Variants in ROCK1 observed in about 807,000 individuals in gnomAD.
ROCK1 encodes the protein Rho associated coiled-coil containing protein kinase 1.
A neutral mutation model predicts 196.8 loss-of-function variants in ROCK1; 36 were observed. The ratio of observed to expected loss-of-function variants is 0.18; its 90% CI spans 0.14 to 0.24. The LOEUF (loss-of-function observed/expected upper bound fraction) is 0.24, where lower values mean the gene tolerates loss of function less well. ROCK1 is among the 10% of genes least tolerant of loss of function. The probability of loss-of-function intolerance (pLI) is 1.00; values close to 1 mark genes in which losing one functional copy is unlikely to be tolerated. For synonymous variants in ROCK1, 443 were observed against 515.9 expected (o/e 0.86, Z 1.91); for missense variants, 920 against 1,562.0 (o/e 0.59, Z 6.93).
intron 1 of ROCK1, among the ~76,000 whole-genome samples, chr18:21,105,660 G>A (rs2036697115): frequency 1.3e-5 from 2 of 152,196 alleles, no homozygotes; most frequent in African/African-American, 2.4e-5. Flanking sequence ...AGGGACAATA[G>A]TGGAATTAAT....
intron 1 of ROCK1, among the ~76,000 whole-genome samples, chr18:21,084,232 C>T (rs1161250668): frequency 6.9e-6 from 1 of 145,462 alleles, no homozygotes; most frequent in Non-Finnish European, 1.5e-5. Flanking sequence ...ATCTCTTGTA[C>T]ATGAGACCAA....
At chr18:21,001,933 C>G (rs1568380382) in intron 16 of ROCK1, among the ~76,000 whole-genome samples, 1 of 151,898 alleles carries the variant, frequency 6.6e-6, no homozygotes, top group Non-Finnish European at 1.5e-5. Context: ...ACTTTTCACC[C>G]AAAAAGATGT....
chr18:21,064,364 T>G (rs1335120309), intron 2 of ROCK1, among the ~76,000 whole-genome samples: 1 of 151,374 alleles, frequency 6.6e-6, no homozygotes, highest in East Asian at 1.9e-4. Flanking sequence ...TTTGGAAGCC[T>G]TTCTTTACCC....
intron 9 of ROCK1, among the ~76,000 whole-genome samples, chr18:21,037,412 CA>C (rs1311564160): frequency 2.6e-5 from 4 of 151,552 alleles, no homozygotes; most frequent in African/African-American, 2.4e-5. Flanking sequence ...AATGGAAACC[CA>C]AAAAAATTAA....
intron 19 of ROCK1, among the ~76,000 whole-genome samples, chr18:20,986,096 G>A (rs2035575994): frequency 6.6e-6 from 1 of 152,024 alleles, no homozygotes; most frequent in East Asian, 1.9e-4. Flanking sequence ...TAAGCAATGT[G>A]CCCATCTGCC....
In ROCK1 at chr18:21,068,758, T is replaced by C. The variant is rs955692622; in HGVS notation, c.175+1774A>G. On this transcript the variant is annotated intron_variant, in intron 2 of 32. Transcript: ENST00000399799. ...TGCTGTATTTGTTATAATAAATTAATTCCCAATTGCTTGTTGTTAATAAAT... is the reference window on the plus strand; with the variant it reads ...TGCTGTATTTGTTATAATAAATTAACTCCCAATTGCTTGTTGTTAATAAAT... 1.4e-4 allele frequency among the ~76,000 whole-genome samples: 21 copies of C among 152,212 alleles called. 1 individual carries two copies. The highest frequency in any genetic ancestry group is 7.2e-4 in the Admixed American group (11 of 15,288).
chr18:21,037,496 C>A (rs1167308216), intron 9 of ROCK1, among the ~76,000 whole-genome samples: 3 of 151,872 alleles, frequency 2.0e-5, no homozygotes, highest in African/African-American at 7.3e-5. Context: ...TAAAAGAATT[C>A]TTGGTATTTT....
chr18:21,050,036 C>T (rs1568395095), intron 2 of ROCK1, among the ~76,000 whole-genome samples, 156 bp from the exon 3 acceptor site: 1 of 152,096 alleles, frequency 6.6e-6, no homozygotes, highest in Non-Finnish European at 1.5e-5. Context: ...TATAAAGTAG[C>T]TAAATGTTCA....
At chr18:21,106,410 C>T (rs1208516429) in intron 1 of ROCK1, among the ~76,000 whole-genome samples, 2 of 152,222 alleles carry the variant, frequency 1.3e-5, no homozygotes, top group Non-Finnish European at 2.9e-5. Context: ...TCAAGCAATT[C>T]TCTGGCCTCA....
chr18:20,956,096 G>A lies in ROCK1; in HGVS notation c.3513-851C>T, dbSNP rs146228211. On this transcript the variant is annotated intron_variant, in intron 29 of 32. Transcript: ENST00000399799. ...AAAGGAGTAAAACTCTTTATTTGGC[G>A]ATGACATGATTGTATGCAGTTGTCT... is the stretch of plus-strand genomic sequence containing the variant. 6.5e-3 allele frequency among the ~76,000 whole-genome samples: 991 copies of A among 152,226 alleles called. 12 individuals are homozygous for A. Among genetic ancestry groups the A allele is most frequent in the African/African-American group, 0.023 (949 of 41,532 alleles).
chr18:21,070,727 G>T, intron 1 of ROCK1, 114 bp from the exon 2 acceptor site: 1 of 620,954 alleles, frequency 1.6e-6, no homozygotes, highest in Non-Finnish European at 2.6e-6. Flanking sequence ...CACATCTTGT[G>T]TACATTTAAC....
intron 7 of ROCK1, 108 bp downstream of exon 7, chr18:21,042,457 C>T (rs2036115354): frequency 1.6e-6 from 2 of 1,261,828 alleles, no homozygotes; most frequent in South Asian, 1.6e-5. Flanking sequence ...TTATTACCCA[C>T]AAATAAAATC....
At chr18:21,021,805 C>T (rs1424965989) in intron 11 of ROCK1, among the ~76,000 whole-genome samples, 1 of 152,078 alleles carries the variant, frequency 6.6e-6, no homozygotes, top group Non-Finnish European at 1.5e-5. Flanking sequence ...TTTTTGAAGG[C>T]CGAAGGCACT....
intron 1 of ROCK1, 43 bp from the exon 2 acceptor site, chr18:21,070,656 T>G (rs774571270): frequency 8.1e-6 from 10 of 1,236,334 alleles, no homozygotes; most frequent in Non-Finnish European, 1.1e-5. Context: ...TGGATCACAT[T>G]ATACAGTCTC....
intron 9 of ROCK1, among the ~76,000 whole-genome samples, chr18:21,038,929 CT>C (rs2036081794): frequency 6.6e-6 from 1 of 152,174 alleles, no homozygotes; most frequent in African/African-American, 2.4e-5. Context: ...GTGTTCTAAA[CT>C]GACTGAAAAT....
chr18:20,967,726 T>C (rs755445230), intron 26 of ROCK1, 26 bp downstream of exon 26: 1 of 1,500,730 alleles, frequency 6.7e-7, no homozygotes, highest in South Asian at 1.3e-5. Flanking sequence ...TTCACACTCA[T>C]ATCCATACAC....
intron 22 of ROCK1, among the ~76,000 whole-genome samples, chr18:20,979,218 C>A (rs1209273623): frequency 1.3e-5 from 2 of 152,170 alleles, no homozygotes; most frequent in Admixed American, 6.5e-5. Context: ...CATGAGCCAC[C>A]ATGCCCGGCC....
rs200709668 is a variant in ROCK1, at chr18:20,998,045, C to A, written c.1886-5108G>T. 2.0e-4 allele frequency among the ~76,000 whole-genome samples: 31 copies of A among 152,142 alleles called. No individual in the cohort carries two copies. The East Asian group carries it at 5.8e-3, about 29-fold the overall frequency. On this transcript the variant is annotated intron_variant, in intron 16 of 32. Coordinates refer to ENST00000399799, the MANE Select transcript of ROCK1 (RefSeq NM_005406.3). ...AGAGACAGGGTTTCACCATGTTGGC[C>A]AGGCTGGTCTCGAACTTCTGACCTC...
At chr18:20,955,377 C>T in intron 29 of ROCK1, 132 bp from the exon 30 acceptor site, 1 of 973,094 alleles carries the variant, frequency 1.0e-6, no homozygotes, top group Non-Finnish European at 1.5e-6. Context: ...TAGAGAAATG[C>T]AAATTAAAAC....
Sources: gnomAD v4.1 joint callset for allele counts (sites outside exome capture counted in the v4.1 genomes callset) on GRCh38, gnomAD v4.1.1 for gene constraint, MANE v1.5 for transcripts, NCBI Gene and HGNC (gene_info 2026-07-23, HGNC 2026-07-21) for gene names.